The following CTDP1 variants were observed in gnomAD, a reference collection of about 807,000 sequenced individuals.
CTDP1 encodes the protein CTD phosphatase 1, also known as RNA polymerase II subunit A C-terminal domain phosphatase.
A neutral mutation model predicts 91.8 loss-of-function variants in CTDP1; 47 were observed. That is an observed-to-expected ratio of 0.51 (90% confidence interval 0.41 to 0.65). The LOEUF is 0.65. CTDP1 is among the 30% of genes least tolerant of loss of function. CTDP1 has a pLI of 0.00. For synonymous variants in CTDP1, 656 were observed against 598.5 expected (o/e 1.10, Z -1.40); for missense variants, 1,272 against 1,373.7 (o/e 0.93, Z 1.17).
rs377599837 is a variant in CTDP1, at chr18:79,718,807, T to G, written c.2417+791T>G. 1.6e-4 allele frequency among the ~76,000 whole-genome samples: 24 copies of G among 152,004 alleles called. No individual in the cohort carries two copies. In the East Asian group the frequency reaches 3.1e-3, roughly 20 times the overall value. The stretch of plus-strand genomic sequence containing the variant: ...CAGGCAAGGAGCACCCACCAAGACC[T>G]GGTGTGCGTTTGCCCCTGGAAGCCG... On this transcript the variant is annotated intron_variant, in intron 10 of 12. Transcript: ENST00000613122.
chr18:79,752,313 G>A (rs1009604674), intron 12 of CTDP1, among the ~76,000 whole-genome samples: 4 of 142,476 alleles, frequency 2.8e-5, no homozygotes, highest in African/African-American at 1.0e-4. Flanking sequence ...CCTAAGGAAA[G>A]CCTAGTGGCA....
At chr18:79,724,661 A>C (rs922446607) in intron 10 of CTDP1, among the ~76,000 whole-genome samples, 1 of 152,230 alleles carries the variant, frequency 6.6e-6, no homozygotes, top group Non-Finnish European at 1.5e-5. Flanking sequence ...GGTCTTTGGC[A>C]GAGCAAAAGT....
chr18:79,725,118 G>C (rs2086419369), intron 10 of CTDP1, among the ~76,000 whole-genome samples: 1 of 152,176 alleles, frequency 6.6e-6, no homozygotes, highest in East Asian at 1.9e-4. Flanking sequence ...CTGATTTTTG[G>C]ACATGAAAAC....
At chr18:79,695,742 T>C (rs1237128997) in intron 2 of CTDP1, among the ~76,000 whole-genome samples, 3 of 152,214 alleles carry the variant, frequency 2.0e-5, no homozygotes. Flanking sequence ...TGCAGTTTGT[T>C]TTCATGAAGG....
rs376105777 is a variant in CTDP1 at position 79,717,973 on chromosome 18, C to T, written c.2374C>T (p.Pro792Ser). The change falls in exon 10 of 13, where the codon CCC (proline) becomes TCC (serine). Residue 792 changes from proline (P) to serine (S), a missense_variant. Pro to Ser is a moderately conservative substitution (Grantham distance 74). Around this residue, in one of 3 missense-constraint regions of CTDP1, gnomAD observed 881 missense variants for 911.6 expected, o/e 0.97. Coordinates refer to ENST00000613122, the MANE Select transcript of CTDP1 (RefSeq NM_004715.5). ...GACGGGCGCCCGGGGGCCCCCAGCA[C>T]CCTCCAGCTCCCTACCCATCCGCCA... is the stretch of plus-strand genomic sequence containing the variant. ...IRTGARGPPA[P>S]SSSLPIRQEP... 4.5e-5 allele frequency: 73 copies of T among 1,613,394 alleles called. 1 individual carries two copies. The highest frequency in any genetic ancestry group is 6.1e-5 in the Non-Finnish European group (72 of 1,179,980).
chr18:79,711,936 C>T (rs2086092611), intron 6 of CTDP1, among the ~76,000 whole-genome samples: 2 of 152,186 alleles, frequency 1.3e-5, no homozygotes, highest in East Asian at 1.9e-4. Flanking sequence ...CTTGTTTTCC[C>T]GAGGAGCCTG....
rs771361353 is a variant in CTDP1, at chr18:79,704,769, C to T, written c.624C>T (p.Gly208=). 5.6e-6 allele frequency: 9 copies of T among 1,613,642 alleles called. No homozygotes were observed. Among genetic ancestry groups the T allele is most frequent in the Non-Finnish European group, 7.6e-6 (9 of 1,180,048 alleles). Residue 208 remains glycine, a splice_region_variant and synonymous_variant, in exon 5 of 13, where the codon GGC becomes GGT. Coordinates refer to ENST00000613122, the MANE Select transcript of CTDP1 (RefSeq NM_004715.5). ...ACTGTTGCTACTATTCTTTTTAGGGCATCTTTCACTTCCAGCTGGGCCGGG... is the reference window on the plus strand; with the variant it reads ...ACTGTTGCTACTATTCTTTTTAGGGTATCTTTCACTTCCAGCTGGGCCGGG... ...EQHCQQMSNK[G]IFHFQLGRGE...
chr18:79,679,847 G>A lies in CTDP1; in HGVS notation c.-101G>A, dbSNP rs1186409690. 8.8e-7 allele frequency: 1 copy of A among 1,136,846 alleles called. No homozygotes were observed. Among genetic ancestry groups the A allele is most frequent in the Non-Finnish European group, 1.2e-6 (1 of 857,328 alleles). 70.4% of individuals were successfully genotyped at this position (1,136,846 alleles called of 1,614,324 possible). A position where few individuals can be genotyped will look rare whatever the true frequency, so the allele number is the denominator to read the frequency against. On this transcript the variant is annotated 5_prime_UTR_variant, in exon 1 of 13. Coordinates refer to ENST00000613122, the MANE Select transcript of CTDP1 (RefSeq NM_004715.5). ...GACGGGTGGAAGCCGGTACCGAGAG[G>A]AACTACAGCGTCGCCGCCTGGGTTG...
chr18:79,684,969 C>CAT (rs1568170989), intron 1 of CTDP1, among the ~76,000 whole-genome samples: 7 of 99,614 alleles, frequency 7.0e-5, no homozygotes, highest in African/African-American at 1.7e-4. Context: ...GGTTTCTCTG[C>CAT]GGTGCTCCTT....
intron 1 of CTDP1, among the ~76,000 whole-genome samples, chr18:79,683,922 G>A (rs1238686499): frequency 6.6e-6 from 1 of 152,240 alleles, no homozygotes; most frequent in Non-Finnish European, 1.5e-5. Flanking sequence ...TGGGACCGGG[G>A]GGTGCCTACC....
At chr18:79,693,877 A>G (rs914185107) in intron 1 of CTDP1, among the ~76,000 whole-genome samples, 2 of 147,902 alleles carry the variant, frequency 1.4e-5, no homozygotes, top group African/African-American at 5.2e-5. Flanking sequence ...GATGCAGGCT[A>G]CAGACCCGCC....
intron 11 of CTDP1, among the ~76,000 whole-genome samples, chr18:79,731,885 T>C (rs1316177984): frequency 2.6e-5 from 4 of 152,026 alleles, no homozygotes; most frequent in Non-Finnish European, 5.9e-5. Context: ...AAGAACTCAC[T>C]AACATCAGGA....
chr18:79,696,202 A>C, intron 3 of CTDP1, 132 bp downstream of exon 3: 1 of 785,622 alleles, frequency 1.3e-6, no homozygotes, highest in Non-Finnish European at 2.2e-6. Context: ...CCCTCATCAC[A>C]CGGATGACTT....
In CTDP1 at chr18:79,744,789, C is replaced by A. The variant is rs573293260; in HGVS notation, c.2747+8268C>A. On this transcript the variant is annotated intron_variant, in intron 12 of 12. Transcript: ENST00000613122. ...GGCGAGACCTTGGAGGTTCCCCCGC[C>A]ACTCAGTCATGGGGGGCGTCGTGGG... Among the ~76,000 whole-genome samples the A allele has an allele frequency of 5.9e-4, 90 of 152,312 alleles. 2 individuals are homozygous for A. Among genetic ancestry groups the A allele is most frequent in the Admixed American group, 5.8e-3 (89 of 15,304 alleles).
chr18:79,693,516 G>A (rs596554), intron 1 of CTDP1, among the ~76,000 whole-genome samples: 115,611 of 151,986 alleles, frequency 0.76, 44,235 homozygotes, highest in Middle Eastern at 0.79. Context: ...GGATTTCTGG[G>A]TTTTTTTGGA....
At position 79,705,056 on chromosome 18, in the gene CTDP1, G is replaced by C. The variant is rs2085939788; in HGVS notation, c.772+139G>C. The C allele has an allele frequency of 2.2e-6, 3 of 1,357,254 alleles. No homozygotes were observed. In the South Asian group the frequency reaches 3.8e-5, roughly 17 times the overall value. The allele number at this position is 1,357,254 out of a possible 1,614,324, so 84.1% of individuals were successfully genotyped here. On this transcript the variant is annotated intron_variant, in intron 5 of 12. Coordinates refer to ENST00000613122, the MANE Select transcript of CTDP1 (RefSeq NM_004715.5). The stretch of plus-strand genomic sequence containing the variant: ...AGTCTTAGGGTTGGCCGTTGTGCAG[G>C]GGGTTGTGAGAGGTAAGGGAATTCT...
At chr18:79,693,605 C>T (rs1195310272) in intron 1 of CTDP1, among the ~76,000 whole-genome samples, 2 of 152,132 alleles carry the variant, frequency 1.3e-5, no homozygotes, top group South Asian at 2.1e-4. Flanking sequence ...ATTTGTGTTG[C>T]ACATGCACTG....
At chr18:79,711,329 A>AGAGGCAG (rs1568191383) in intron 6 of CTDP1, among the ~76,000 whole-genome samples, 3 of 151,986 alleles carry the variant, frequency 2.0e-5, no homozygotes, top group Non-Finnish European at 4.4e-5. Flanking sequence ...TTGTGGTTGG[A>AGAGGCAG]GAGGCAGGAG....
intron 1 of CTDP1, among the ~76,000 whole-genome samples, chr18:79,694,842 T>A (rs1027833586): frequency 1.3e-5 from 2 of 152,248 alleles, no homozygotes; most frequent in African/African-American, 4.8e-5. Context: ...GGGAATGATA[T>A]GAAAGTTTTA....
Sources: allele counts gnomAD v4.1 joint callset (sites outside exome capture counted in the v4.1 genomes callset), GRCh38; gene constraint gnomAD v4.1.1; regional missense constraint gnomAD v4.1.1; transcripts MANE v1.5; gene names NCBI Gene and HGNC (gene_info 2026-07-23, HGNC 2026-07-21).